ABL1: variants seen among roughly 807,000 people sequenced by gnomAD.
The protein encoded by ABL1 is ABL proto-oncogene 1, non-receptor tyrosine kinase, also known as tyrosine-protein kinase ABL1.
A neutral mutation model predicts 94.7 loss-of-function variants in ABL1; 11 were observed. The observed-to-expected ratio is 0.12, with a 90% confidence interval of 0.07 to 0.19. The LOEUF (loss-of-function observed/expected upper bound fraction) is 0.19. ABL1 is among the 10% of genes least tolerant of loss of function. The pLI is 1.00. For synonymous variants in ABL1, 656 were observed against 622.4 expected (o/e 1.05, Z -0.80); for missense variants, 1,082 against 1,489.4 (o/e 0.73, Z 4.50).
At chr9:130,830,981 G>A (rs769587811), upstream of ABL1, among the ~76,000 whole-genome samples, 1 of 152,158 alleles carries the variant, frequency 6.6e-6, no homozygotes, top group African/African-American at 2.4e-5. Context: ...CTATACAGTG[G>A]CAAAAACTGG....
chr9:130,715,679 A>T (rs977069574), intron 1 of ABL1, among the ~76,000 whole-genome samples: 1 of 152,232 alleles, frequency 6.6e-6, no homozygotes, highest in Admixed American at 6.5e-5. Flanking sequence ...TGCACCTTAC[A>T]TAGTGAAAAT....
chr9:130,846,623 A>T (rs979317010), intron 1 of ABL1, among the ~76,000 whole-genome samples: 2 of 152,194 alleles, frequency 1.3e-5, no homozygotes, highest in African/African-American at 4.8e-5. Context: ...TCTAGTGGGA[A>T]CTATGATGTT....
At chr9:130,785,791 T>C (rs1464776754) in intron 1 of ABL1, among the ~76,000 whole-genome samples, 1 of 151,670 alleles carries the variant, frequency 6.6e-6, no homozygotes, top group Non-Finnish European at 1.5e-5. Flanking sequence ...GGCATGGTGG[T>C]GCATGCCTGT....
intron 1 of ABL1, among the ~76,000 whole-genome samples, chr9:130,792,422 G>C (rs1829922057): frequency 6.6e-6 from 1 of 152,082 alleles, no homozygotes; most frequent in Non-Finnish European, 1.5e-5. Context: ...TCCTCATCTT[G>C]ATGCTTTTTT....
intron 3 of ABL1, among the ~76,000 whole-genome samples, chr9:130,860,782 A>G (rs1281759590): frequency 6.6e-6 from 1 of 152,182 alleles, no homozygotes; most frequent in African/African-American, 2.4e-5. Flanking sequence ...TAACGTGAGA[A>G]CAGGGGTTGG....
At chr9:130,843,065 A>C (rs1588262980) in intron 1 of ABL1, among the ~76,000 whole-genome samples, 1 of 152,166 alleles carries the variant, frequency 6.6e-6, no homozygotes, top group African/African-American at 2.4e-5. Context: ...CAACTTTACT[A>C]TCTGTCATTA....
At chr9:130,810,263 A>G (rs1317957051) in intron 1 of ABL1, among the ~76,000 whole-genome samples, 1 of 152,224 alleles carries the variant, frequency 6.6e-6, no homozygotes, top group African/African-American at 2.4e-5. Context: ...TGGGAGGCCA[A>G]GGTAGGTGGA....
At chr9:130,792,934 T>C (rs1829927790) in intron 1 of ABL1, among the ~76,000 whole-genome samples, 1 of 152,164 alleles carries the variant, frequency 6.6e-6, no homozygotes, top group African/African-American at 2.4e-5. Context: ...GGTAATACTT[T>C]TTATTTTTGA....
At chr9:130,729,653 C>A (rs971131110) in intron 1 of ABL1, among the ~76,000 whole-genome samples, 1 of 152,150 alleles carries the variant, frequency 6.6e-6, no homozygotes, top group Non-Finnish European at 1.5e-5. Flanking sequence ...ATATTTTATT[C>A]AGCCATACAG....
At chr9:130,867,045 A>C (rs1041604558) in intron 4 of ABL1, among the ~76,000 whole-genome samples, 7 of 152,346 alleles carry the variant, frequency 4.6e-5, no homozygotes, top group East Asian at 1.9e-4. Flanking sequence ...TCTATGAATC[A>C]GTTCTCTAAG....
At chr9:130,802,410 C>T (rs1830067742) in intron 1 of ABL1, among the ~76,000 whole-genome samples, 1 of 152,132 alleles carries the variant, frequency 6.6e-6, no homozygotes, top group African/African-American at 2.4e-5. Context: ...TTTTTTATCT[C>T]TCTTCTTCAT....
chr9:130,753,336 T>G (rs1831992263), intron 1 of ABL1, among the ~76,000 whole-genome samples: 1 of 152,104 alleles, frequency 6.6e-6, no homozygotes, highest in Non-Finnish European at 1.5e-5. Flanking sequence ...TCCCACTGCA[T>G]GCTGTGCTAT....
chr9:130,750,815 T>G (rs1831955690), intron 1 of ABL1, among the ~76,000 whole-genome samples: 1 of 151,068 alleles, frequency 6.6e-6, no homozygotes, highest in African/African-American at 2.4e-5. Context: ...CCTGGCTAAT[T>G]TTTATATTTT....
At chr9:130,797,930 C>T (rs899400519) in intron 1 of ABL1, among the ~76,000 whole-genome samples, 1 of 152,118 alleles carries the variant, frequency 6.6e-6, no homozygotes, top group Non-Finnish European at 1.5e-5. Context: ...GACTGTGCCC[C>T]ATGTCTTTTC....
rs200387853 is a variant in ABL1 at position 130,735,489 on chromosome 9, T to TA, written c.136+21035dup. On this transcript the variant is annotated intron_variant, in intron 1 of 10. Coordinates refer to the ABL1 transcript ENST00000372348. The stretch of plus-strand genomic sequence containing the variant: ...TTTTTTGTGTGTGGTTTTTTTTTTT[T>TA]ATCCTTCCAGTGTTCTTTTTTGCAA... 1.2e-3 allele frequency among the ~76,000 whole-genome samples: 184 copies of TA among 151,994 alleles called. 1 individual carries two copies. Among genetic ancestry groups the TA allele is most frequent in the African/African-American group, 3.9e-3 (160 of 41,514 alleles).
At chr9:130,769,087 A>G (rs1199485748) in intron 1 of ABL1, among the ~76,000 whole-genome samples, 1 of 152,160 alleles carries the variant, frequency 6.6e-6, no homozygotes, top group Non-Finnish European at 1.5e-5. Flanking sequence ...TTTATTTCAC[A>G]TACATCTGTC....
chr9:130,876,902 A>G (rs1439523966), intron 7 of ABL1, among the ~76,000 whole-genome samples: 1 of 145,900 alleles, frequency 6.9e-6, no homozygotes, highest in Non-Finnish European at 1.5e-5. Context: ...ACACTCGGCC[A>G]ATTTTTTTTC....
chr9:130,800,633 A>C (rs1456654861), intron 1 of ABL1, among the ~76,000 whole-genome samples: 1 of 152,174 alleles, frequency 6.6e-6, no homozygotes, highest in African/African-American at 2.4e-5. Context: ...GGAACCATAT[A>C]AAAGTTATAT....
intron 1 of ABL1, among the ~76,000 whole-genome samples, chr9:130,801,353 G>A (rs373978263): frequency 2.6e-5 from 4 of 151,910 alleles, no homozygotes; most frequent in Non-Finnish European, 5.9e-5. Flanking sequence ...TCAGCCTCCC[G>A]AGCAGCTGGG....
Sources: allele counts gnomAD v4.1 joint callset (sites outside exome capture counted in the v4.1 genomes callset), GRCh38; gene constraint gnomAD v4.1.1; transcripts MANE v1.5; gene names NCBI Gene and HGNC (gene_info 2026-07-23, HGNC 2026-07-21).